Variants in NHSL1 observed in about 807,000 individuals in gnomAD.
NHSL1 encodes the protein NHS like 1.
In NHSL1, 48 loss-of-function variants were observed where a neutral mutation model predicts 95.0. The ratio of observed to expected loss-of-function variants is 0.51; its 90% CI spans 0.40 to 0.64. The LOEUF (loss-of-function observed/expected upper bound fraction) is 0.64, where lower values mean the gene tolerates loss of function less well. Ranked by LOEUF, NHSL1 falls within the 30% of genes least tolerant of loss-of-function variation. NHSL1 has a pLI of 0.00. For synonymous variants in NHSL1, 783 were observed against 833.9 expected, an observed-to-expected ratio of 0.94 and a Z score of 1.05; for missense variants, 1,971 against 2,077.7, an observed-to-expected ratio of 0.95 and a Z score of 1.00.
chr6:138,668,968 A>C (rs1170567683), intron 1 of NHSL1, among the ~76,000 whole-genome samples: 1 of 152,286 alleles, frequency 6.6e-6, no homozygotes, highest in East Asian at 1.9e-4. Context: ...CGATGGAGGA[A>C]GCAAGGGAAA....
rs1382083010 is a variant in NHSL1, at chr6:138,431,888, C to A, written c.2457G>T (p.Gly819=). 8.4e-6 allele frequency: 13 copies of A among 1,551,606 alleles called. No individual in the cohort carries two copies. The highest frequency in any genetic ancestry group is 8.7e-7 in the Non-Finnish European group (1 of 1,147,006). ...GNGPVRHVQE[G]SRATMPQVPG... ...GCACTTGGGGCATTGTGGCTCTGGACCCTTCTTGGACATGGCGGACTGGCC... is the reference window on the plus strand; with the variant it reads ...GCACTTGGGGCATTGTGGCTCTGGAACCTTCTTGGACATGGCGGACTGGCC... Residue 819 remains glycine (G), a synonymous_variant, in exon 6 of 8, where the codon GGG becomes GGT. Transcript: ENST00000343505. The surrounding 1 kb of genome is among the most constrained non-coding windows in gnomAD (Gnocchi z 4.0).
At chr6:138,503,947 G>A (rs941816744), upstream of NHSL1, among the ~76,000 whole-genome samples, 1 of 151,956 alleles carries the variant, frequency 6.6e-6, no homozygotes, top group African/African-American at 2.4e-5. Flanking sequence ...AGTAAAAACT[G>A]AGGCTGGATG....
chr6:138,467,621 T>C (rs1253821605), intron 3 of NHSL1, among the ~76,000 whole-genome samples: 2 of 152,132 alleles, frequency 1.3e-5, no homozygotes, highest in African/African-American at 2.4e-5. Context: ...GGACAAGATG[T>C]GGAGGGGAAG....
intron 1 of NHSL1, among the ~76,000 whole-genome samples, chr6:138,645,510 CTTT>C (rs746425752): frequency 3.6e-5 from 5 of 137,918 alleles, no homozygotes; most frequent in Non-Finnish European, 1.6e-5. Flanking sequence ...TTTCTTTTTT[CTTT>C]TTTTTTTTTT....
intron 3 of NHSL1, among the ~76,000 whole-genome samples, chr6:138,459,477 A>G (rs1413523014): frequency 6.6e-6 from 1 of 152,226 alleles, no homozygotes; most frequent in Non-Finnish European, 1.5e-5. Context: ...TGTTATTTAT[A>G]GAAGTTTTGA....
intron 1 of NHSL1, among the ~76,000 whole-genome samples, chr6:138,544,491 C>T (rs1782705807): frequency 6.6e-6 from 1 of 151,974 alleles, no homozygotes; most frequent in South Asian, 2.1e-4. Flanking sequence ...TCCCAAACAC[C>T]AAGTTCAATA....
chr6:138,458,138 C>T (rs1174928812), intron 3 of NHSL1, among the ~76,000 whole-genome samples: 1 of 152,100 alleles, frequency 6.6e-6, no homozygotes. Context: ...ACTGGATTCC[C>T]ACTTGATTTC....
chr6:138,607,733 CA>C (rs1303884261), intron 1 of NHSL1, among the ~76,000 whole-genome samples: 1 of 152,174 alleles, frequency 6.6e-6, no homozygotes, highest in African/African-American at 2.4e-5. Flanking sequence ...CCTTCCTTCC[CA>C]TGAGGCTTTG....
intron 1 of NHSL1, chr6:138,571,631 T>G: frequency 7.4e-7 from 1 of 1,345,352 alleles, no homozygotes; most frequent in Non-Finnish European, 1.0e-6. Context: ...GCAAAAATCA[T>G]GAAGGGGGAG....
chr6:138,513,248 T>C (rs1781312883), intron 1 of NHSL1, among the ~76,000 whole-genome samples: 1 of 152,256 alleles, frequency 6.6e-6, no homozygotes, highest in South Asian at 2.1e-4. Flanking sequence ...TAAAGCATTC[T>C]TGTCACATAG....
At chr6:138,451,498 TAAGTTCCATG>T (rs1779151138) in intron 3 of NHSL1, among the ~76,000 whole-genome samples, 1 of 152,224 alleles carries the variant, frequency 6.6e-6, no homozygotes, top group South Asian at 2.1e-4. Context: ...GACAAGAATA[TAAGTTCCATG>T]AAGCTTTGAA....
intron 2 of NHSL1, among the ~76,000 whole-genome samples, chr6:138,495,881 A>C (rs564785045): frequency 6.6e-6 from 1 of 152,334 alleles, no homozygotes; most frequent in African/African-American, 2.4e-5. Context: ...ACAGCCAAGC[A>C]AAAGGGGTGT....
intron 1 of NHSL1, among the ~76,000 whole-genome samples, chr6:138,621,578 T>C (rs1215786633): frequency 6.6e-6 from 1 of 152,090 alleles, no homozygotes; most frequent in Non-Finnish European, 1.5e-5. Context: ...TTTCAAATGA[T>C]TCTCCTGCCT....
At chr6:138,566,739 C>T (rs1783633241) in intron 1 of NHSL1, among the ~76,000 whole-genome samples, 1 of 150,314 alleles carries the variant, frequency 6.7e-6, no homozygotes, top group Non-Finnish European at 1.5e-5. Flanking sequence ...TTAAAATGAA[C>T]AAGGCAGTGA....
At chr6:138,517,270 A>G (rs1022382516) in intron 1 of NHSL1, among the ~76,000 whole-genome samples, 1 of 152,192 alleles carries the variant, frequency 6.6e-6, no homozygotes, top group African/African-American at 2.4e-5. Flanking sequence ...AGAATTCTGG[A>G]TGAATATTTC....
intron 1 of NHSL1, among the ~76,000 whole-genome samples, chr6:138,690,610 G>A (rs907088158): frequency 3.9e-5 from 6 of 151,956 alleles, no homozygotes; most frequent in Non-Finnish European, 5.9e-5. Flanking sequence ...GCGTGGTGGC[G>A]GGCGCCTGTA....
Position 138,437,432 on chromosome 6 carries a change from ACACACACAC to A in NHSL1, c.665-3761_665-3753del, listed in dbSNP as rs1776241550. On this transcript the variant is annotated intron_variant, in intron 5 of 7. Coordinates refer to ENST00000343505, the MANE Select transcript of NHSL1 (RefSeq NM_001144060.2). Reference sequence around the variant, plus strand: ...CACATATACACACACACACACACACACACACACACACACAAAAAAAAAAAAAAAAAATAC... The same window carrying A: ...CACATATACACACACACACACACACAACACAAAAAAAAAAAAAAAAAATAC... Among the ~76,000 whole-genome samples, 3 of 36,924 alleles carry A rather than the reference ACACACACAC, an allele frequency of 8.1e-5. 1 individual carries two copies. The highest frequency in any genetic ancestry group is 1.1e-3 in the South Asian group (1 of 888). 24.2% of individuals were successfully genotyped at this position (36,924 alleles called of 152,430 possible). A position where few individuals can be genotyped will look rare whatever the true frequency, so the allele number is the denominator to read the frequency against.
chr6:138,511,444 G>T (rs1340864572), intron 1 of NHSL1, among the ~76,000 whole-genome samples: 1 of 151,884 alleles, frequency 6.6e-6, no homozygotes, highest in Non-Finnish European at 1.5e-5. Context: ...GTGTATGTGT[G>T]TGTGAGTGTG....
intron 1 of NHSL1, among the ~76,000 whole-genome samples, chr6:138,665,000 T>C (rs1785276443): frequency 6.6e-6 from 1 of 152,238 alleles, no homozygotes; most frequent in African/African-American, 2.4e-5. Flanking sequence ...ATCTGATGTT[T>C]GACCAAACAT....
Sources: gnomAD v4.1 joint callset for allele counts (sites outside exome capture counted in the v4.1 genomes callset) on GRCh38, gnomAD v4.1.1 for gene constraint, Gnocchi (gnomAD v3.1) non-coding constraint, MANE v1.5 for transcripts, NCBI Gene and HGNC (gene_info 2026-07-23, HGNC 2026-07-21) for gene names.